LHFPL3: variants seen among roughly 807,000 people sequenced by gnomAD.
LHFPL3 encodes the protein LHFPL tetraspan subfamily member 3, also known as LHFPL tetraspan subfamily member 3 protein.
Under a neutral mutation model 19.3 loss-of-function variants are expected in LHFPL3, and 5 were observed. That is an observed-to-expected ratio of 0.26 (90% CI 0.14 to 0.54). The LOEUF is 0.54. Ranked by LOEUF, LHFPL3 falls within the 20% of genes least tolerant of loss-of-function variation. The pLI is 0.94. For missense variants in LHFPL3, 249 were observed against 307.4 expected (o/e 0.81, Z 1.42); for synonymous variants, 133 against 126.2 (o/e 1.05, Z -0.36).
chr7:104,757,208 C>A (rs1794301979), intron 2 of LHFPL3, among the ~76,000 whole-genome samples: 1 of 152,112 alleles, frequency 6.6e-6, no homozygotes, highest in South Asian at 2.1e-4. Flanking sequence ...AAAATTAATG[C>A]AAGGTGGATT....
chr7:104,759,559 A>G (rs950595956), intron 2 of LHFPL3: 7 of 152,176 alleles, frequency 4.6e-5, no homozygotes, highest in African/African-American at 1.4e-4. Context: ...CCAGTGCTCA[A>G]TGGTCACATT....
At chr7:104,597,470 C>A (rs1255579513) in intron 1 of LHFPL3, among the ~76,000 whole-genome samples, 2 of 152,102 alleles carry the variant, frequency 1.3e-5, no homozygotes, top group Non-Finnish European at 2.9e-5. Context: ...GCAGTCATAC[C>A]AGAAGGAATT....
intron 1 of LHFPL3, among the ~76,000 whole-genome samples, chr7:104,344,124 C>T (rs1790017948): frequency 6.6e-6 from 1 of 151,968 alleles, no homozygotes; most frequent in African/African-American, 2.4e-5. Flanking sequence ...GATCAAATTA[C>T]TTTTCCAAAT....
chr7:104,447,331 C>T (rs569944130), intron 1 of LHFPL3, among the ~76,000 whole-genome samples: 34 of 152,124 alleles, frequency 2.2e-4, no homozygotes, highest in Admixed American at 9.2e-4. Context: ...TCTCTCCCAG[C>T]GGCCTTTGGG....
rs118021034 is a variant in LHFPL3, at chr7:104,424,618, G to A, written c.445+95394G>A. On this transcript the variant is annotated intron_variant, in intron 1 of 2. Coordinates refer to ENST00000424859, the MANE Select transcript of LHFPL3 (RefSeq NM_199000.3). ...TTTTTGGTTGTCACAACTGGTTGGG[G>A]GAAAGGCTACTCCAGTGGGTAGAAG... 1.4e-4 allele frequency among the ~76,000 whole-genome samples: 22 copies of A among 152,312 alleles called. No homozygotes were observed. In the East Asian group the frequency reaches 4.0e-3, roughly 28 times the overall value.
chr7:104,536,189 G>A (rs1286141020), intron 1 of LHFPL3, among the ~76,000 whole-genome samples: 1 of 152,184 alleles, frequency 6.6e-6, no homozygotes, highest in Non-Finnish European at 1.5e-5. Context: ...GAAGTATATA[G>A]TACATGTCTT....
intron 1 of LHFPL3, among the ~76,000 whole-genome samples, chr7:104,406,916 T>A: frequency 6.6e-6 from 1 of 152,228 alleles, no homozygotes; most frequent in African/African-American, 2.4e-5. Flanking sequence ...TAATAACTTA[T>A]CTCTTTGGTC....
At chr7:104,667,384 A>G (rs185223735) in intron 1 of LHFPL3, among the ~76,000 whole-genome samples, 7 of 152,194 alleles carry the variant, frequency 4.6e-5, no homozygotes, top group Admixed American at 4.6e-4. Context: ...CCCTGCCTGT[A>G]TTAAGCATCA....
chr7:104,493,905 G>C (rs767145502), intron 1 of LHFPL3, among the ~76,000 whole-genome samples: 13 of 152,098 alleles, frequency 8.5e-5, no homozygotes, highest in Non-Finnish European at 1.6e-4. Context: ...AGTCCCACTT[G>C]AGATGTGCAG....
At chr7:104,735,849 A>G (rs1025448803) in intron 1 of LHFPL3, among the ~76,000 whole-genome samples, 1 of 152,218 alleles carries the variant, frequency 6.6e-6, no homozygotes, top group Admixed American at 6.5e-5. Flanking sequence ...TGGAACCGCC[A>G]TAACACTTTC....
intron 1 of LHFPL3, among the ~76,000 whole-genome samples, chr7:104,658,674 C>A (rs1792163335): frequency 6.6e-6 from 1 of 152,070 alleles, no homozygotes; most frequent in African/African-American, 2.4e-5. Flanking sequence ...CCTATAATCC[C>A]AGTTACCCTG....
chr7:104,670,861 G>T (rs1294309947), intron 1 of LHFPL3, among the ~76,000 whole-genome samples: 113 of 146,472 alleles, frequency 7.7e-4, no homozygotes, highest in Middle Eastern at 3.6e-3. Context: ...AATGTGTTTT[G>T]TTTTGTTTTT....
chr7:104,827,006 C>T (rs887041069), intron 2 of LHFPL3, among the ~76,000 whole-genome samples: 3 of 151,890 alleles, frequency 2.0e-5, no homozygotes, highest in African/African-American at 4.9e-5. Flanking sequence ...TAAAGTTAGG[C>T]TAAATAATCT....
Position 104,562,502 on chromosome 7 carries a change from C to T in LHFPL3, c.446-174173C>T, listed in dbSNP as rs1313773100. Among the ~76,000 whole-genome samples, 10 of 152,296 alleles carry T rather than the reference C, an allele frequency of 6.6e-5. No individual in the cohort carries two copies. The East Asian group carries it at 1.3e-3, about 21-fold the overall frequency. ...GCTCCTGAGGCTTCTGCATTCTTCA[C>T]GTAGTTCTGGAGCCTTGGTTTTCAG... is the stretch of plus-strand genomic sequence containing the variant. On this transcript the variant is annotated intron_variant, in intron 1 of 2. Coordinates refer to ENST00000424859, the MANE Select transcript of LHFPL3 (RefSeq NM_199000.3).
At position 104,631,161 on chromosome 7, in the gene LHFPL3, C is replaced by CAAA. The variant is rs1003656448; in HGVS notation, c.446-105513_446-105511dup. ...TAGCTAACAACAACAACAACAACAA[C>CAAA]AAAGCATTTAAAATGCCCAGCTCAA... On this transcript the variant is annotated intron_variant, in intron 1 of 2. Coordinates refer to ENST00000424859, the MANE Select transcript of LHFPL3 (RefSeq NM_199000.3). 2.0e-5 allele frequency among the ~76,000 whole-genome samples: 3 copies of CAAA among 152,000 alleles called. 1 individual carries two copies. The highest frequency in any genetic ancestry group is 4.2e-4 in the South Asian group (2 of 4,814).
chr7:104,389,249 A>T (rs1791010304), intron 1 of LHFPL3, among the ~76,000 whole-genome samples: 2 of 152,206 alleles, frequency 1.3e-5, no homozygotes, highest in African/African-American at 4.8e-5. Context: ...ATGAAAAGGA[A>T]ATTAAGAAAA....
chr7:104,802,587 T>C (rs1790275083), intron 2 of LHFPL3, among the ~76,000 whole-genome samples: 1 of 150,882 alleles, frequency 6.6e-6, no homozygotes, highest in South Asian at 2.1e-4. Flanking sequence ...GTACTAGCTA[T>C]AGGAACAGGC....
intron 2 of LHFPL3, among the ~76,000 whole-genome samples, chr7:104,784,141 T>C (rs892211356): frequency 6.6e-6 from 1 of 152,170 alleles, no homozygotes; most frequent in African/African-American, 2.4e-5. Flanking sequence ...CAAAGAGTGG[T>C]AGTATAATCA....
intron 1 of LHFPL3, among the ~76,000 whole-genome samples, chr7:104,495,446 C>G (rs1421335013): frequency 6.6e-6 from 1 of 152,132 alleles, no homozygotes. Context: ...TGCAGTGGCA[C>G]AATCTCAGCT....
Sources: allele counts gnomAD v4.1 joint callset (sites outside exome capture counted in the v4.1 genomes callset), GRCh38; gene constraint gnomAD v4.1.1; transcripts MANE v1.5; gene names NCBI Gene and HGNC (gene_info 2026-07-23, HGNC 2026-07-21).